RNF130: variants seen among roughly 807,000 people sequenced by gnomAD.
The protein encoded by RNF130 is E3 ubiquitin-protein ligase RNF130.
In RNF130, 21 loss-of-function variants were observed where a neutral mutation model predicts 44.6. The ratio of observed to expected loss-of-function variants is 0.47; its 90% CI spans 0.33 to 0.68. The LOEUF (loss-of-function observed/expected upper bound fraction) is 0.68. Among genes scored for constraint, RNF130 ranks in the 30% least tolerant of loss-of-function variants. RNF130 has a pLI of 0.02. For synonymous variants in RNF130, 214 were observed against 210.4 expected, an observed-to-expected ratio of 1.02 and a Z score of -0.15; for missense variants, 479 against 560.6, an observed-to-expected ratio of 0.85 and a Z score of 1.47.
chr5:180,061,631 T>C (rs1001675568), intron 1 of RNF130, among the ~76,000 whole-genome samples: 2 of 152,174 alleles, frequency 1.3e-5, no homozygotes, highest in African/African-American at 2.4e-5. Context: ...AACCTCCTTC[T>C]TCCTATGGCC....
intron 1 of RNF130, among the ~76,000 whole-genome samples, chr5:180,058,882 C>G (rs1764904080): frequency 6.6e-6 from 1 of 152,074 alleles, no homozygotes; most frequent in Non-Finnish European, 1.5e-5. Flanking sequence ...TATAGAGTTT[C>G]CATTTTGCAA....
At chr5:179,914,461 C>T (rs903765576) in exon 8 of RNF130, 5 of 152,394 alleles carry the variant, frequency 3.3e-5, no homozygotes, top group African/African-American at 4.8e-5. Context: ...TCTGTCCACA[C>T]TTTAAATGTC....
Position 179,944,897 on chromosome 5 carries a change from G to T in RNF130, c.1150+21909C>A, listed in dbSNP as rs529172324. The stretch of plus-strand genomic sequence containing the variant: ...AGCATGACAGCAGGCCCTGTTTCCA[G>T]ATAAGGCACATATATTTGCTCACAC... On this transcript the variant is annotated intron_variant, in intron 7 of 7. Transcript: ENST00000522208. Among the ~76,000 whole-genome samples, 6 of 152,250 alleles carry T rather than the reference G, an allele frequency of 3.9e-5. No individual in the cohort carries two copies. The East Asian group carries it at 1.2e-3, about 29-fold the overall frequency.
intron 7 of RNF130, among the ~76,000 whole-genome samples, chr5:179,935,464 C>G (rs1001677666): frequency 6.6e-6 from 1 of 152,030 alleles, no homozygotes; most frequent in African/African-American, 2.4e-5. Context: ...ATTTTATTTT[C>G]TATCATCTGA....
At chr5:180,001,106 T>C (rs891974298) in intron 3 of RNF130, among the ~76,000 whole-genome samples, 5 of 152,190 alleles carry the variant, frequency 3.3e-5, no homozygotes, top group Non-Finnish European at 7.3e-5. Flanking sequence ...GGTGCAGTGG[T>C]ACAGTCTCTG....
chr5:180,002,668 C>G (rs746878313), intron 3 of RNF130, among the ~76,000 whole-genome samples: 8 of 152,120 alleles, frequency 5.3e-5, no homozygotes, highest in Admixed American at 2.6e-4. Context: ...CCACAGTGAG[C>G]TCTTCCTGGT....
intron 7 of RNF130, among the ~76,000 whole-genome samples, chr5:179,925,569 C>T (rs910645947): frequency 2.0e-5 from 3 of 151,916 alleles, no homozygotes; most frequent in African/African-American, 7.3e-5. Flanking sequence ...CTCTGTTGCC[C>T]AAGCTGGAGT....
rs117236482 is a variant in RNF130, at chr5:179,969,859, C to T, written c.945+551G>A. ...ACAAAAAATTAGCCAGGGGTGGTGA[C>T]GGGCACCTGCAATCCCAGCTACTCA... On this transcript the variant is annotated intron_variant, in intron 6 of 8. Transcript: ENST00000521389. Among the ~76,000 whole-genome samples the T allele has an allele frequency of 4.9e-4, 74 of 152,140 alleles. No homozygotes were observed. The East Asian group carries it at 0.01, about 21-fold the overall frequency.
chr5:180,030,177 T>C (rs79892587), intron 2 of RNF130, among the ~76,000 whole-genome samples: 4,555 of 152,220 alleles, frequency 0.03, 227 homozygotes, highest in African/African-American at 0.1. Context: ...TCTATCCTTA[T>C]ATGCTCTTTT....
At chr5:180,050,522 T>C (rs1205741597) in intron 1 of RNF130, among the ~76,000 whole-genome samples, 1 of 152,228 alleles carries the variant, frequency 6.6e-6, no homozygotes, top group African/African-American at 2.4e-5. Flanking sequence ...CTCAGGATAC[T>C]GTCTGACCAA....
chr5:180,011,619 T>C (rs1763597341), intron 3 of RNF130, among the ~76,000 whole-genome samples: 1 of 152,046 alleles, frequency 6.6e-6, no homozygotes, highest in Non-Finnish European at 1.5e-5. Context: ...ATTAAAAAAT[T>C]AGCCAGTCAT....
At chr5:180,056,856 C>A (rs1441429535) in intron 1 of RNF130, among the ~76,000 whole-genome samples, 1 of 152,188 alleles carries the variant, frequency 6.6e-6, no homozygotes, top group Non-Finnish European at 1.5e-5. Flanking sequence ...ACCACTGCTA[C>A]ATGCAGTAAC....
exon 8 of RNF130, chr5:179,916,647 A>C (rs1397065965): frequency 6.6e-6 from 1 of 152,274 alleles, no homozygotes; most frequent in Non-Finnish European, 1.5e-5. Context: ...AGGCCTGAGG[A>C]CCACCAGGGG....
intron 7 of RNF130, among the ~76,000 whole-genome samples, chr5:179,964,944 TAA>T (rs571721574): frequency 5.5e-4 from 84 of 152,342 alleles, no homozygotes; most frequent in African/African-American, 2.0e-3. Flanking sequence ...TGTAATGTTT[TAA>T]GTTAGGGAAA....
intron 7 of RNF130, among the ~76,000 whole-genome samples, chr5:179,934,743 A>G (rs1761865109): frequency 2.6e-5 from 4 of 151,902 alleles, no homozygotes; most frequent in South Asian, 2.1e-4. Flanking sequence ...TTTTCTTGCT[A>G]TGTTGCCCAA....
intron 2 of RNF130, among the ~76,000 whole-genome samples, chr5:180,027,259 G>A (rs932753595): frequency 6.6e-6 from 1 of 152,114 alleles, no homozygotes; most frequent in Non-Finnish European, 1.5e-5. Context: ...CTGACACCAG[G>A]GTTCTTGAAT....
chr5:180,024,711 A>G (rs964206262), intron 2 of RNF130, among the ~76,000 whole-genome samples: 1 of 152,258 alleles, frequency 6.6e-6, no homozygotes, highest in African/African-American at 2.4e-5. Context: ...AAACTTGGAA[A>G]TTCAGAAAGA....
Position 180,013,137 on chromosome 5 carries a change from A to C in RNF130, c.617T>G (p.Met206Arg). The change falls in exon 3 of 9, where the codon ATG becomes AGG. Residue 206 changes from methionine to arginine, a missense_variant. Physicochemically the swap from Met to Arg is moderately conservative, Grantham distance 91. Transcript: ENST00000521389. ...VFVSISFIVL[M>R]IISSAWLIFY... The stretch of plus-strand genomic sequence containing the variant: ...TATGAGCCATGCTGAAGAAATAATC[A>C]TCAAAACAATAAAGGATATTGACAC... The C allele has an allele frequency of 1.9e-6, 3 of 1,614,126 alleles. No individual in the cohort carries two copies. Among genetic ancestry groups the C allele is most frequent in the Non-Finnish European group, 2.5e-6 (3 of 1,180,028 alleles).
intron 2 of RNF130, among the ~76,000 whole-genome samples, chr5:180,017,769 C>T (rs942492873): frequency 1.6e-4 from 24 of 152,082 alleles, no homozygotes; most frequent in Non-Finnish European, 1.5e-4. Flanking sequence ...TTTTGAGAGG[C>T]CAACAGAAGG....
Sources: gnomAD v4.1 joint callset for allele counts (sites outside exome capture counted in the v4.1 genomes callset) on GRCh38, gnomAD v4.1.1 for gene constraint, MANE v1.5 for transcripts, NCBI Gene and HGNC (gene_info 2026-07-23, HGNC 2026-07-21) for gene names.